HBS1L: variants seen among roughly 807,000 people sequenced by gnomAD.
HBS1L encodes the protein HBS1 like translational GTPase, also known as HBS1-like protein.
HBS1L carries 55 observed loss-of-function variants against 88.9 expected under a neutral mutation model. The ratio of observed to expected loss-of-function variants is 0.62; its 90% CI spans 0.50 to 0.77. The LOEUF (loss-of-function observed/expected upper bound fraction) is 0.77. Among genes scored for constraint, HBS1L ranks in the 30% least tolerant of loss-of-function variants. The pLI, the probability that HBS1L is intolerant of heterozygous loss-of-function variation, is 0.00. For synonymous variants in HBS1L, 267 were observed against 288.5 expected (o/e 0.93, Z 0.76); for missense variants, 741 against 829.3 (o/e 0.89, Z 1.31).
rs71006747 is a variant in HBS1L, at chr6:134,974,650, C to CAA, written c.1797+4027_1797+4028dup. On this transcript the variant is annotated intron_variant, in intron 15 of 17. Transcript: ENST00000367837. ...GATTCACCACTGAAACAATTAAAAG[C>CAA]AAAAAAAAAACAGATGATCATCTCA... 4.6e-3 allele frequency among the ~76,000 whole-genome samples: 668 copies of CAA among 146,654 alleles called. 4 individuals carry two copies. The highest frequency in any genetic ancestry group is 0.014 in the African/African-American group (540 of 39,746).
chr6:135,027,211 A>AG (rs1211055027), intron 4 of HBS1L: 3 of 130,398 alleles, frequency 2.3e-5, no homozygotes, highest in Non-Finnish European at 4.8e-5. Flanking sequence ...AAAAAAAAAA[A>AG]AAAAAGAAAA....
chr6:134,987,569 C>T, intron 9 of HBS1L, 76 bp downstream of exon 9: 2 of 1,106,904 alleles, frequency 1.8e-6, no homozygotes, highest in South Asian at 2.3e-5. Context: ...ACACTAGTCA[C>T]ATCTAAGTCA....
At chr6:134,969,140 G>T in intron 16 of HBS1L, 98 bp downstream of exon 16, 1 of 761,270 alleles carries the variant, frequency 1.3e-6, no homozygotes, top group South Asian at 1.6e-5. Context: ...GTAAAAATGG[G>T]TTTCACTTAC....
chr6:135,009,157 C>T (rs1237602655), intron 4 of HBS1L, among the ~76,000 whole-genome samples: 3 of 152,182 alleles, frequency 2.0e-5, no homozygotes, highest in Non-Finnish European at 4.4e-5. Flanking sequence ...ATTACTCCTA[C>T]ATTTCTTTAG....
intron 4 of HBS1L, among the ~76,000 whole-genome samples, chr6:135,028,190 G>C (rs1375179054): frequency 6.6e-6 from 1 of 150,666 alleles, no homozygotes; most frequent in Admixed American, 6.6e-5. Context: ...ACAAAGTAAT[G>C]AATTAAACCA....
rs560545558 is a variant in HBS1L, at chr6:135,050,492, A to C, written c.109+90T>G. 3.3e-5 allele frequency: 24 copies of C among 730,196 alleles called. No individual in the cohort carries two copies. In the Middle Eastern group the frequency reaches 1.8e-3, roughly 54 times the overall value. The allele number at this position is 730,196 out of a possible 1,614,324, so 45.2% of individuals were successfully genotyped here. On this transcript the variant is annotated intron_variant, in intron 2 of 17. Coordinates refer to ENST00000367837, the MANE Select transcript of HBS1L (RefSeq NM_006620.4). Reference sequence around the variant, plus strand: ...TAACTTTTTAAATGTTATATATTACAGTCTCACAGAACACTCCAGTCCTTG... The same window carrying C: ...TAACTTTTTAAATGTTATATATTACCGTCTCACAGAACACTCCAGTCCTTG...
chr6:135,015,264 T>C (rs1165322587), intron 4 of HBS1L, among the ~76,000 whole-genome samples: 1 of 152,216 alleles, frequency 6.6e-6, no homozygotes, highest in Non-Finnish European at 1.5e-5. Flanking sequence ...CATAGAATCC[T>C]TACATAGAAT....
At chr6:135,032,740 A>G (rs577620060) in intron 4 of HBS1L, among the ~76,000 whole-genome samples, 2 of 152,264 alleles carry the variant, frequency 1.3e-5, no homozygotes, top group East Asian at 3.9e-4. Context: ...ACAAAAAATG[A>G]GCACCTTATT....
Position 135,051,046 on chromosome 6 carries a change from T to C in HBS1L, c.44-399A>G, listed in dbSNP as rs373462006. Among the ~76,000 whole-genome samples the C allele has an allele frequency of 2.0e-4, 30 of 152,134 alleles. No homozygotes were observed. In the East Asian group the frequency reaches 3.7e-3, roughly 19 times the overall value. ...TTTGAGACCCGCCTGACCAATATGG[T>C]GAAACCCCGTCTCTACTAAAAATAC... On this transcript the variant is annotated intron_variant, in intron 1 of 17. Coordinates refer to ENST00000367837, the MANE Select transcript of HBS1L (RefSeq NM_006620.4).
chr6:134,977,881 C>T (rs564242934), intron 15 of HBS1L, among the ~76,000 whole-genome samples: 143 of 152,028 alleles, frequency 9.4e-4, no homozygotes, highest in Middle Eastern at 6.8e-3. Context: ...TATAAGAGTA[C>T]GGTCCCAAAT....
intron 15 of HBS1L, among the ~76,000 whole-genome samples, chr6:134,974,030 G>C (rs887101988): frequency 1.3e-5 from 2 of 151,950 alleles, no homozygotes; most frequent in Admixed American, 6.6e-5. Context: ...TATAGAGTAA[G>C]AGAGAAGATT....
At chr6:135,036,271 G>A (rs1353355783) in intron 4 of HBS1L, 1 of 987,546 alleles carries the variant, frequency 1.0e-6, no homozygotes, top group Non-Finnish European at 1.2e-6. Flanking sequence ...AAAGTTGAAT[G>A]CTTCAAACAA....
At chr6:135,015,469 C>T (rs943797044) in intron 4 of HBS1L, among the ~76,000 whole-genome samples, 19 of 152,136 alleles carry the variant, frequency 1.2e-4, no homozygotes, top group African/African-American at 4.3e-4. Flanking sequence ...AATCTCAGGA[C>T]CTCATGGAAG....
Position 134,997,651 on chromosome 6 carries a change from G to A in HBS1L, c.545C>T (p.Ser182Phe). Residue 182 changes from serine (S) to phenylalanine (F), a missense_variant, in exon 6 of 18, where the codon TCT (serine) becomes TTT (phenylalanine). Coordinates refer to ENST00000367837, the MANE Select transcript of HBS1L (RefSeq NM_006620.4). The part of the protein sequence containing the change: ...QTMGFEVPGV[S>F]SEENGHSFHT... ...GAAACTATGACCATTTTCTTCAGAA[G>A]ATACTCTACAGAAGGCAGATAGGAA... 2 of 1,613,814 alleles carry A rather than the reference G, an allele frequency of 1.2e-6. No homozygotes were observed. Among genetic ancestry groups the A allele is most frequent in the Non-Finnish European group, 1.7e-6 (2 of 1,179,812 alleles).
intron 4 of HBS1L, among the ~76,000 whole-genome samples, chr6:135,034,802 C>A (rs953477271): frequency 2.0e-5 from 3 of 152,164 alleles, no homozygotes; most frequent in African/African-American, 7.2e-5. Context: ...TCAAGTTGGT[C>A]AGATGTTATT....
At chr6:135,041,688 C>G (rs1026557890) in intron 3 of HBS1L, among the ~76,000 whole-genome samples, 2 of 151,958 alleles carry the variant, frequency 1.3e-5, no homozygotes, top group African/African-American at 4.8e-5. Flanking sequence ...GCTTATGAAA[C>G]AATTAAATCA....
intron 8 of HBS1L, among the ~76,000 whole-genome samples, 183 bp downstream of exon 8, chr6:134,993,572 TTAC>T (rs1303697358): frequency 1.3e-5 from 2 of 152,176 alleles, no homozygotes; most frequent in Non-Finnish European, 2.9e-5. Flanking sequence ...TTAAAAGGTT[TTAC>T]AAAGTACAGG....
Position 134,963,730 on chromosome 6 carries a change from T to C in HBS1L, c.*1549A>G, listed in dbSNP as rs1399338978. ...AGCCACCGCGCCCGGCCGAGAGTTC[T>C]ATATAGAGTTTGAGAGCAAAACCAG... On this transcript the variant is annotated 3_prime_UTR_variant, in exon 18 of 18. Transcript: ENST00000367837. 1 of 152,222 alleles carries C rather than the reference T, an allele frequency of 6.6e-6. No individual in the cohort carries two copies. The highest frequency in any genetic ancestry group is 1.5e-5 in the Non-Finnish European group (1 of 68,104). 9.4% of individuals were successfully genotyped at this position (152,222 alleles called of 1,614,324 possible).
At chr6:134,985,760 C>T (rs1414681908) in intron 11 of HBS1L, among the ~76,000 whole-genome samples, 1 of 152,054 alleles carries the variant, frequency 6.6e-6, no homozygotes, top group Non-Finnish European at 1.5e-5. Context: ...CACTTTGGGT[C>T]CCAAGCATTT....
Sources: allele counts gnomAD v4.1 joint callset (sites outside exome capture counted in the v4.1 genomes callset), GRCh38; gene constraint gnomAD v4.1.1; transcripts MANE v1.5; gene names NCBI Gene and HGNC (gene_info 2026-07-23, HGNC 2026-07-21).